CTNNA3: variants seen among roughly 807,000 people sequenced by gnomAD.
The protein encoded by CTNNA3 is catenin alpha 3, also known as catenin alpha-3.
CTNNA3 carries 76 observed loss-of-function variants against 95.7 expected under a neutral mutation model. The observed-to-expected ratio is 0.79, with a 90% CI of 0.66 to 0.96. The LOEUF (loss-of-function observed/expected upper bound fraction) is 0.96, where lower values mean the gene tolerates loss of function less well. CTNNA3 is among the 40% of genes least tolerant of loss of function. The pLI is 0.00. For synonymous variants in CTNNA3, 431 were observed against 374.4 expected (o/e 1.15, Z -1.74); for missense variants, 1,191 against 1,089.8 (o/e 1.09, Z -1.31).
intron 11 of CTNNA3, among the ~76,000 whole-genome samples, chr10:66,385,140 A>G (rs35393717): frequency 1.4e-4 from 21 of 152,328 alleles, no homozygotes; most frequent in Non-Finnish European, 2.9e-4. Context: ...CAAAAAATCA[A>G]TGAATCCAGG....
At chr10:67,003,400 C>G (rs746719439) in intron 7 of CTNNA3, among the ~76,000 whole-genome samples, 14 of 152,222 alleles carry the variant, frequency 9.2e-5, no homozygotes, top group African/African-American at 1.2e-4. Flanking sequence ...CAATATTTCC[C>G]ATAGTATGTT....
intron 5 of CTNNA3, among the ~76,000 whole-genome samples, chr10:67,272,249 A>AT (rs1839010369): frequency 6.6e-6 from 1 of 152,092 alleles, no homozygotes; most frequent in Non-Finnish European, 1.5e-5. Context: ...GTAGCACCCA[A>AT]TTTTTTTAAA....
At chr10:66,686,530 C>A (rs1340661634) in intron 9 of CTNNA3, among the ~76,000 whole-genome samples, 6 of 152,106 alleles carry the variant, frequency 3.9e-5, no homozygotes, top group African/African-American at 1.4e-4. Context: ...TTTTTCTTTT[C>A]TTCTCTCTAC....
intron 15 of CTNNA3, among the ~76,000 whole-genome samples, chr10:66,020,875 G>A (rs368345147): frequency 9.0e-4 from 137 of 151,708 alleles, no homozygotes; most frequent in Non-Finnish European, 1.6e-3. Flanking sequence ...GGGTTTCACC[G>A]TGTTAGCCAG....
intron 15 of CTNNA3, among the ~76,000 whole-genome samples, chr10:66,043,700 T>C (rs945869141): frequency 6.6e-6 from 1 of 152,164 alleles, no homozygotes; most frequent in African/African-American, 2.4e-5. Context: ...AGTATTCCAT[T>C]ACAAATCTGA....
intron 5 of CTNNA3, among the ~76,000 whole-genome samples, chr10:67,245,954 C>A (rs1865888406): frequency 6.6e-6 from 1 of 151,736 alleles, no homozygotes; most frequent in Non-Finnish European, 1.5e-5. Context: ...CCTTTTGGCT[C>A]TCATTCTAGA....
chr10:67,357,809 G>GA (rs1248356620), intron 5 of CTNNA3, among the ~76,000 whole-genome samples: 1 of 151,576 alleles, frequency 6.6e-6, no homozygotes, highest in Non-Finnish European at 1.5e-5. Flanking sequence ...CATTAAATGA[G>GA]AAAAAAAGAA....
intron 15 of CTNNA3, among the ~76,000 whole-genome samples, chr10:66,011,347 C>G (rs1423762433): frequency 6.6e-6 from 1 of 151,748 alleles, no homozygotes; most frequent in Non-Finnish European, 1.5e-5. Context: ...TCTTCTCTTT[C>G]TCTTCTCCCT....
At chr10:67,626,187 A>C (rs1385083760) in intron 2 of CTNNA3, among the ~76,000 whole-genome samples, 1 of 152,100 alleles carries the variant, frequency 6.6e-6, no homozygotes, top group Non-Finnish European at 1.5e-5. Flanking sequence ...TCTCAAAAAA[A>C]AAAAAAAAAG....
intron 1 of CTNNA3, among the ~76,000 whole-genome samples, chr10:67,747,121 C>T (rs989553923): frequency 1.3e-5 from 2 of 152,218 alleles, no homozygotes; most frequent in Admixed American, 6.5e-5. Flanking sequence ...AGAGACAGAA[C>T]TGTGATCTCC....
At chr10:66,780,804 G>A (rs1449823315) in intron 7 of CTNNA3, among the ~76,000 whole-genome samples, 1 of 152,124 alleles carries the variant, frequency 6.6e-6, no homozygotes, top group East Asian at 1.9e-4. Context: ...ACTGGATAAG[G>A]TTTTGGCAGA....
intron 12 of CTNNA3, among the ~76,000 whole-genome samples, chr10:66,297,570 C>T (rs1279034162): frequency 6.6e-6 from 1 of 152,106 alleles, no homozygotes; most frequent in Non-Finnish European, 1.5e-5. Flanking sequence ...TGTCCTCTAT[C>T]CTACATTTAT....
chr10:66,251,724 TA>T (rs1442257384), intron 13 of CTNNA3, among the ~76,000 whole-genome samples: 1 of 152,228 alleles, frequency 6.6e-6, no homozygotes, highest in African/African-American at 2.4e-5. Flanking sequence ...CTAATTACTC[TA>T]TTTAACATGA....
At chr10:67,244,377 C>A (rs927312973) in intron 5 of CTNNA3, among the ~76,000 whole-genome samples, 3 of 152,236 alleles carry the variant, frequency 2.0e-5, no homozygotes, top group Non-Finnish European at 2.9e-5. Context: ...ATGTCTCACA[C>A]TTGACATGCT....
intron 11 of CTNNA3, among the ~76,000 whole-genome samples, chr10:66,415,373 C>G (rs1021089037): frequency 6.6e-6 from 1 of 152,106 alleles, no homozygotes. Context: ...TGGACACTGA[C>G]CTTCCCAGAA....
chr10:67,508,241 A>C (rs1363746921), intron 5 of CTNNA3, among the ~76,000 whole-genome samples: 2 of 152,022 alleles, frequency 1.3e-5, no homozygotes, highest in East Asian at 3.9e-4. Context: ...CAGACTCCTG[A>C]CCTCAAGTGA....
chr10:66,030,439 C>T (rs1311737966), intron 15 of CTNNA3, among the ~76,000 whole-genome samples: 1 of 151,952 alleles, frequency 6.6e-6, no homozygotes, highest in Non-Finnish European at 1.5e-5. Flanking sequence ...AAAAAATTGA[C>T]AAAAATAAGC....
intron 3 of CTNNA3, among the ~76,000 whole-genome samples, chr10:67,565,885 T>C (rs1246402730): frequency 7.5e-6 from 1 of 133,660 alleles, no homozygotes; most frequent in Non-Finnish European, 1.6e-5. Flanking sequence ...ATAAAAAAGA[T>C]ACCTTCACTT....
chr10:66,669,025 A>G (rs1214974617), intron 9 of CTNNA3, among the ~76,000 whole-genome samples: 2 of 152,098 alleles, frequency 1.3e-5, no homozygotes, highest in Non-Finnish European at 2.9e-5. Context: ...TACTGAATAT[A>G]TATGTTCCAA....
Sources: gnomAD v4.1 joint callset for allele counts (sites outside exome capture counted in the v4.1 genomes callset) on GRCh38, gnomAD v4.1.1 for gene constraint, MANE v1.5 for transcripts, NCBI Gene and HGNC (gene_info 2026-07-23, HGNC 2026-07-21) for gene names.